SLC10A7: variants seen among roughly 807,000 people sequenced by gnomAD.
The protein encoded by SLC10A7 is sodium/bile acid cotransporter 7.
SLC10A7 carries 29 observed loss-of-function variants against 43.2 expected under a neutral mutation model. The ratio of observed to expected loss-of-function variants is 0.67; its 90% confidence interval spans 0.50 to 0.92. The LOEUF (loss-of-function observed/expected upper bound fraction) is 0.92. Ranked by LOEUF, SLC10A7 falls within the 40% of genes least tolerant of loss-of-function variation. SLC10A7 has a pLI of 0.00. For synonymous variants in SLC10A7, 152 were observed against 144.8 expected (o/e 1.05, Z -0.35); for missense variants, 295 against 403.2 (o/e 0.73, Z 2.30).
chr4:146,301,250 TAAC>T (rs1226786421), intron 7 of SLC10A7, among the ~76,000 whole-genome samples: 3 of 152,198 alleles, frequency 2.0e-5, no homozygotes, highest in Non-Finnish European at 4.4e-5. Context: ...GGCACCTCTG[TAAC>T]AAGTCTTCAA....
chr4:146,330,331 G>A (rs1439635142), intron 5 of SLC10A7, among the ~76,000 whole-genome samples: 1 of 152,146 alleles, frequency 6.6e-6, no homozygotes, highest in Non-Finnish European at 1.5e-5. Context: ...TTTTGAAATA[G>A]AAAATGTTAT....
chr4:146,374,515 G>A (rs748412857), intron 5 of SLC10A7, among the ~76,000 whole-genome samples: 1 of 151,566 alleles, frequency 6.6e-6, no homozygotes, highest in Non-Finnish European at 1.5e-5. Flanking sequence ...TTTGAACCTG[G>A]GAGGCAGAGG....
chr4:146,356,587 A>T (rs1198025128), intron 5 of SLC10A7, among the ~76,000 whole-genome samples: 2 of 151,730 alleles, frequency 1.3e-5, no homozygotes, highest in African/African-American at 4.8e-5. Context: ...ACACACACAC[A>T]CACACTCCCC....
chr4:146,306,176 A>G (rs1233141899), intron 6 of SLC10A7, among the ~76,000 whole-genome samples, 167 bp from the exon 7 acceptor site: 4 of 152,152 alleles, frequency 2.6e-5, no homozygotes, highest in African/African-American at 9.7e-5. Context: ...AACACAAAAA[A>G]CTGTTAAGTA....
chr4:146,479,205 A>G lies in SLC10A7; in HGVS notation c.396+24644T>C, dbSNP rs554695271. 1.8e-4 allele frequency among the ~76,000 whole-genome samples: 27 copies of G among 152,270 alleles called. No individual in the cohort carries two copies. In the South Asian group the frequency reaches 5.4e-3, roughly 30 times the overall value. On this transcript the variant is annotated intron_variant, in intron 4 of 11. Transcript: ENST00000335472. ...AGAAAACTCACCAGATTGCCAAAAT[A>G]CCCAACGCACTCATCTCTGATCTAT...
chr4:146,474,029 C>T (rs190290430), intron 4 of SLC10A7, among the ~76,000 whole-genome samples: 1 of 152,052 alleles, frequency 6.6e-6, no homozygotes, highest in African/African-American at 2.4e-5. Context: ...CTTTGGATTA[C>T]TCCCATACAT....
intron 10 of SLC10A7, among the ~76,000 whole-genome samples, chr4:146,282,289 A>T (rs1193196262): frequency 6.6e-6 from 1 of 152,220 alleles, no homozygotes; most frequent in African/African-American, 2.4e-5. Flanking sequence ...CTGACAGTAG[A>T]CTATCAGACA....
rs545866212 is a variant in SLC10A7, at chr4:146,335,394, G to T, written c.436-9398C>A. ...CAAGTCAAGCAGGTGATGCAGATGG[G>T]CTCGAATGGATGCCTGCAGAAGCAG... is the stretch of plus-strand genomic sequence containing the variant. On this transcript the variant is annotated intron_variant, in intron 5 of 11. Transcript: ENST00000335472. 5.9e-5 allele frequency among the ~76,000 whole-genome samples: 9 copies of T among 152,028 alleles called. No homozygotes were observed. The East Asian group carries it at 9.7e-4, about 16-fold the overall frequency.
intron 5 of SLC10A7, among the ~76,000 whole-genome samples, chr4:146,441,219 C>T (rs1730572793): frequency 6.6e-6 from 1 of 152,140 alleles, no homozygotes; most frequent in Non-Finnish European, 1.5e-5. Flanking sequence ...TGAGAATACA[C>T]AGCTTCTTAG....
chr4:146,282,182 G>A (rs1289768319), intron 10 of SLC10A7, among the ~76,000 whole-genome samples: 1 of 152,092 alleles, frequency 6.6e-6, no homozygotes, highest in Non-Finnish European at 1.5e-5. Flanking sequence ...GCAGTGCATA[G>A]ACTATATATA....
rs1277140232 is a variant in SLC10A7, at chr4:146,283,376, G to T, written c.774-111C>A. ...GTTAACATCCCTTTGATCAATCCTG[G>T]TGACAGTAGTAATTCTACACCCAAA... On this transcript the variant is annotated intron_variant, in intron 9 of 11. Coordinates refer to ENST00000335472, the MANE Select transcript of SLC10A7 (RefSeq NM_001029998.6). 5.1e-6 allele frequency: 4 copies of T among 790,378 alleles called. No individual in the cohort carries two copies. In the Admixed American group the frequency reaches 6.3e-5, roughly 12 times the overall value. The allele number at this position is 790,378 out of a possible 1,614,324, so 49.0% of individuals were successfully genotyped here. A position where few individuals can be genotyped will look rare whatever the true frequency, so the allele number is the denominator to read the frequency against.
chr4:146,305,949 C>T lies in SLC10A7; in HGVS notation c.532G>A (p.Val178Met). 1 of 1,609,976 alleles carries T rather than the reference C, an allele frequency of 6.2e-7. No individual in the cohort carries two copies. Among genetic ancestry groups the T allele is most frequent in the Non-Finnish European group, 8.5e-7 (1 of 1,178,466 alleles). ...SIFSQLFMTVVVPLIIGQIVR... is the reference protein window; with the variant it reads ...SIFSQLFMTVMVPLIIGQIVR... ...ACCTGTCCAATGATGAGAGGAACCA[C>T]AACAGTCATAAAAAGCTGAGAAAAA... Residue 178 changes from valine to methionine, a missense_variant, in exon 7 of 12, where the codon GTG (valine) becomes ATG (methionine). Transcript: ENST00000335472.
intron 4 of SLC10A7, among the ~76,000 whole-genome samples, chr4:146,450,529 C>T (rs1731491313): frequency 6.6e-6 from 1 of 152,100 alleles, no homozygotes; most frequent in Non-Finnish European, 1.5e-5. Context: ...TGATGCTGCA[C>T]TCATGCCCAT....
intron 4 of SLC10A7, among the ~76,000 whole-genome samples, chr4:146,449,800 T>C (rs1424845204): frequency 1.3e-5 from 2 of 152,198 alleles, no homozygotes; most frequent in African/African-American, 2.4e-5. Flanking sequence ...ACTTCCTATG[T>C]TTTAAAAACG....
chr4:146,323,822 G>A (rs1732911931), intron 6 of SLC10A7, among the ~76,000 whole-genome samples: 1 of 152,050 alleles, frequency 6.6e-6, no homozygotes, highest in Non-Finnish European at 1.5e-5. Flanking sequence ...GTTCTGGCCA[G>A]GGCAATCAGG....
At chr4:146,277,387 A>T (rs1225889373) in intron 10 of SLC10A7, among the ~76,000 whole-genome samples, 1 of 152,208 alleles carries the variant, frequency 6.6e-6, no homozygotes. Context: ...TGAATAAAAA[A>T]TCCAAACCAA....
intron 5 of SLC10A7, among the ~76,000 whole-genome samples, chr4:146,358,442 A>T (rs1735812583): frequency 6.6e-6 from 1 of 152,178 alleles, no homozygotes; most frequent in Admixed American, 6.6e-5. Context: ...TGTCTTATAC[A>T]TACATACAAA....
At chr4:146,488,945 T>C (rs763426747) in intron 4 of SLC10A7, among the ~76,000 whole-genome samples, 3 of 152,216 alleles carry the variant, frequency 2.0e-5, no homozygotes, top group Non-Finnish European at 2.9e-5. Context: ...ATACATTTCC[T>C]GTGTCCCTCA....
At chr4:146,444,329 G>C (rs1196813017) in intron 4 of SLC10A7, among the ~76,000 whole-genome samples, 2 of 152,114 alleles carry the variant, frequency 1.3e-5, no homozygotes, top group Non-Finnish European at 2.9e-5. Context: ...TCCCCTTTGA[G>C]CCTGTCTCTT....
Sources: allele counts gnomAD v4.1 joint callset (sites outside exome capture counted in the v4.1 genomes callset), GRCh38; gene constraint gnomAD v4.1.1; transcripts MANE v1.5; gene names NCBI Gene and HGNC (gene_info 2026-07-23, HGNC 2026-07-21).